The following RAB36 variants were observed in gnomAD, a reference collection of about 807,000 sequenced individuals.
RAB36 encodes the protein ras-related protein Rab-36.
In RAB36, 33 loss-of-function variants were observed where a neutral mutation model predicts 39.3. That is an observed-to-expected ratio of 0.84 (90% CI 0.64 to 1.12). RAB36 has a LOEUF of 1.12. Among genes scored for constraint, RAB36 ranks in the 50% most tolerant of loss-of-function variants. The pLI, the probability that RAB36 is intolerant of heterozygous loss-of-function variation, is 0.00. For missense variants in RAB36, 308 were observed against 355.3 expected, an observed-to-expected ratio of 0.87 and a Z score of 1.07; for synonymous variants, 133 against 140.2, an observed-to-expected ratio of 0.95 and a Z score of 0.36.
chr22:23,164,643 A>T lies in RAB36; in HGVS notation c.*3079A>T, dbSNP rs1041790491. On this transcript the variant is annotated 3_prime_UTR_variant, in exon 11 of 11. Transcript: ENST00000263116. ...TTGGTCTGGTCTTGTGGGCCCAGGC[A>T]AGCAGCCCCCTGCAGCCAAGGTGCG... Among the ~76,000 whole-genome samples the T allele has an allele frequency of 2.0e-5, 3 of 152,130 alleles. No homozygotes were observed. The highest frequency in any genetic ancestry group is 2.0e-4 in the Admixed American group (3 of 15,286).
chr22:23,159,205 C>G lies in RAB36; in HGVS notation c.571C>G (p.Leu191Val), dbSNP rs2071634323. ...GCAGGCCGAAGCAGACGCTGTGCAC[C>G]TGGCCAGGGAGATGCAGGCCGAGTA... ...CEQAEADAVH[L>V]AREMQAEYWS... Residue 191 changes from leucine (L) to valine (V), a missense_variant, in exon 9 of 11, where the codon CTG becomes GTG. Physicochemically the swap from Leu to Val is conservative, Grantham distance 32 (BLOSUM62 1). Transcript: ENST00000263116. 1 of 1,609,394 alleles carries G rather than the reference C, an allele frequency of 6.2e-7. No individual in the cohort carries two copies. Among genetic ancestry groups the G allele is most frequent in the Non-Finnish European group, 8.5e-7 (1 of 1,178,238 alleles).
chr22:23,150,295 T>G lies in RAB36; in HGVS notation c.161+141T>G, dbSNP rs1162833307. On this transcript the variant is annotated intron_variant, in intron 3 of 10. Coordinates refer to ENST00000263116, the MANE Select transcript of RAB36 (RefSeq NM_004914.5). ...GGCCTGAAGATGACTGGGGTTTTCTTTTTTTTTTCTTTTTTTTTTTTTTTG... is the reference window on the plus strand; with the variant it reads ...GGCCTGAAGATGACTGGGGTTTTCTGTTTTTTTTCTTTTTTTTTTTTTTTG... 11 of 626,366 alleles carry G rather than the reference T, an allele frequency of 1.8e-5. No homozygotes were observed. In the Admixed American group the frequency reaches 3.0e-4, roughly 17 times the overall value. The allele number at this position is 626,366 out of a possible 1,614,324, so 38.8% of individuals were successfully genotyped here.
intron 2 of RAB36, among the ~76,000 whole-genome samples, chr22:23,147,266 G>A (rs2070835963): frequency 6.6e-6 from 1 of 152,074 alleles, no homozygotes; most frequent in African/African-American, 2.4e-5. Context: ...ACCTCCATAG[G>A]GGGCAGTGGA....
In RAB36 at chr22:23,159,714, TCAC is replaced by T. The variant is rs577511206; in HGVS notation, c.619+463_619+465del. ...GCCCTGAAATGCCAGGCATGTGACA[TCAC>T]CTGGCATAGAGAAGGGCCCAGTGAC... On this transcript the variant is annotated intron_variant, in intron 9 of 10. Transcript: ENST00000263116. 1.7e-3 allele frequency among the ~76,000 whole-genome samples: 253 copies of T among 152,282 alleles called. 2 individuals carry two copies. Among genetic ancestry groups the T allele is most frequent in the African/African-American group, 4.5e-3 (187 of 41,540 alleles).
chr22:23,160,039 C>T (rs1007797617), intron 9 of RAB36, among the ~76,000 whole-genome samples: 2 of 152,154 alleles, frequency 1.3e-5, no homozygotes, highest in Non-Finnish European at 2.9e-5. Context: ...TGAAGTCATA[C>T]GCAGGGCCTG....
In RAB36 at chr22:23,163,430, G is replaced by A. The variant is rs5759623; in HGVS notation, c.*1866G>A. On this transcript the variant is annotated 3_prime_UTR_variant, in exon 11 of 11. Transcript: ENST00000263116. ...ATTTTTAGTAGAGAGAGGTTTCACC[G>A]TGTTAGCCAGGATGGTCTCGATGAT... 0.46 allele frequency: 70,355 copies of A among 151,502 alleles called. 16,664 individuals carry two copies. Among genetic ancestry groups the A allele is most frequent in the East Asian group, 0.64 (3,273 of 5,096 alleles). The allele number at this position is 151,502 out of a possible 1,614,324, so 9.4% of individuals were successfully genotyped here.
intron 9 of RAB36, among the ~76,000 whole-genome samples, 198 bp downstream of exon 9, chr22:23,159,451 A>C (rs1001807631): frequency 6.6e-6 from 1 of 152,224 alleles, no homozygotes; most frequent in African/African-American, 2.4e-5. Context: ...CGTCATCTCT[A>C]GAAGGAAGCT....
At position 23,161,588 on chromosome 22, in the gene RAB36, C is replaced by T. The variant is rs368988364; in HGVS notation, c.*24C>T. 3.3e-5 allele frequency: 52 copies of T among 1,564,174 alleles called. No individual in the cohort carries two copies. The highest frequency in any genetic ancestry group is 9.0e-5 in the East Asian group (4 of 44,302). On this transcript the variant is annotated 3_prime_UTR_variant, in exon 11 of 11. Transcript: ENST00000263116. ...AACTGGGGCCTGCGTGGAAGGCCTC[C>T]GCTCCCTGCACACACACGGACAGGA...
intron 3 of RAB36, among the ~76,000 whole-genome samples, chr22:23,151,686 A>G (rs7290653): frequency 0.043 from 6,555 of 152,156 alleles, 475 homozygotes; most frequent in African/African-American, 0.15. Flanking sequence ...GTTTGAGACT[A>G]CTAGCCTGGG....
chr22:23,158,896 A>G lies in RAB36; in HGVS notation c.447-2A>G, dbSNP rs2071616004. ...CTCTCAGCCTCTCTCCTTACACTCC[A>G]GGCAGTGGTTGGAGGATGCTCTGAG... On this transcript the variant is annotated splice_acceptor_variant, in intron 7 of 10. Coordinates refer to ENST00000263116, the MANE Select transcript of RAB36 (RefSeq NM_004914.5). LOFTEE classifies it high-confidence loss of function. The G allele has an allele frequency of 1.2e-6, 2 of 1,613,808 alleles. No individual in the cohort carries two copies. The highest frequency in any genetic ancestry group is 1.7e-6 in the Non-Finnish European group (2 of 1,179,702).
rs79928005 is a variant in RAB36 at position 23,148,490 on chromosome 22, C to A, written c.70-1573C>A. On this transcript the variant is annotated intron_variant, in intron 2 of 10. Transcript: ENST00000263116. ...TGGTACCTCTGGGATTTGACCTGGC[C>A]GTGTCTGGCTCCAGAGCACCCTACC... 3.1e-3 allele frequency among the ~76,000 whole-genome samples: 477 copies of A among 152,232 alleles called. 1 individual carries two copies. The highest frequency in any genetic ancestry group is 0.011 in the African/African-American group (448 of 41,522).
chr22:23,152,178 G>A (rs1256368020), intron 3 of RAB36, among the ~76,000 whole-genome samples: 1 of 152,186 alleles, frequency 6.6e-6, no homozygotes, highest in African/African-American at 2.4e-5. Context: ...CCCTCCACCT[G>A]TGACTCGGCC....
chr22:23,146,758 G>A (rs2146481313), intron 2 of RAB36, 73 bp downstream of exon 2: 1 of 1,564,028 alleles, frequency 6.4e-7, no homozygotes, highest in East Asian at 2.3e-5. Flanking sequence ...CTACACTCAT[G>A]CCTAGAAGTA....
Position 23,152,673 on chromosome 22 carries a change from G to A in RAB36, c.227+147G>A, listed in dbSNP as rs143628700. 1.5e-3 allele frequency: 1,149 copies of A among 790,680 alleles called. 2 individuals are homozygous for A. Among genetic ancestry groups the A allele is most frequent in the Admixed American group, 1.8e-3 (77 of 43,056 alleles). 49.0% of individuals were successfully genotyped at this position (790,680 alleles called of 1,614,324 possible). A position where few individuals can be genotyped will look rare whatever the true frequency, so the allele number is the denominator to read the frequency against. On this transcript the variant is annotated intron_variant, in intron 4 of 10. Transcript: ENST00000263116. ...CCTCAGCCTGCTGGGAGCCGGATAA[G>A]AGGGGGTGCAAGAAATCGGGGAGAT...
intron 5 of RAB36, among the ~76,000 whole-genome samples, chr22:23,155,762 A>G (rs866093375): frequency 6.6e-6 from 1 of 152,346 alleles, no homozygotes; most frequent in Middle Eastern, 3.4e-3. Flanking sequence ...ACTAGGAATG[A>G]GAGAAGTCCA....
At chr22:23,145,584 C>G in intron 1 of RAB36, 33 bp downstream of exon 1, 2 of 1,581,668 alleles carry the variant, frequency 1.3e-6, no homozygotes, top group Non-Finnish European at 1.7e-6. Context: ...TCCGACCCTC[C>G]CGGTCACCCA....
At chr22:23,153,792 G>A (rs1427175499) in intron 5 of RAB36, among the ~76,000 whole-genome samples, 4 of 146,826 alleles carry the variant, frequency 2.7e-5, no homozygotes, top group East Asian at 2.1e-4. Flanking sequence ...CACTTCAAGC[G>A]AATCACCTGC....
chr22:23,146,988 C>G (rs373165387), intron 2 of RAB36, among the ~76,000 whole-genome samples: 1 of 152,202 alleles, frequency 6.6e-6, no homozygotes, highest in Non-Finnish European at 1.5e-5. Context: ...GGGCAAATTA[C>G]TCAACCTCTC....
chr22:23,168,652 G>T (rs573822468), downstream of RAB36, among the ~76,000 whole-genome samples: 1 of 152,294 alleles, frequency 6.6e-6, no homozygotes, highest in Admixed American at 6.5e-5. Flanking sequence ...CAGCCAGGAC[G>T]TATGACTGTC....
Sources: allele counts gnomAD v4.1 joint callset (sites outside exome capture counted in the v4.1 genomes callset), GRCh38; gene constraint gnomAD v4.1.1; transcripts MANE v1.5; gene names NCBI Gene and HGNC (gene_info 2026-07-23, HGNC 2026-07-21).